TYW1B: variants seen among roughly 807,000 people sequenced by gnomAD.
The protein encoded by TYW1B is tRNA-yW synthesizing protein 1 homolog B.
Under a neutral mutation model 86.9 loss-of-function variants are expected in TYW1B, and 73 were observed. The observed-to-expected ratio is 0.84, with a 90% CI of 0.70 to 1.02. The LOEUF is 1.02. TYW1B is among the 50% of genes least tolerant of loss of function. The pLI is 0.00. For missense variants in TYW1B, 637 were observed against 827.4 expected (o/e 0.77, Z 2.82); for synonymous variants, 248 against 292.8 (o/e 0.85, Z 1.56).
At chr7:72,819,257 G>C (rs1554479994) in intron 2 of TYW1B, among the ~76,000 whole-genome samples, 1 of 152,108 alleles carries the variant, frequency 6.6e-6, no homozygotes, top group African/African-American at 2.4e-5. Flanking sequence ...TTGAATGAAG[G>C]GGTCAGCGCA....
At chr7:72,639,395 G>A (rs1812749568) in intron 11 of TYW1B, among the ~76,000 whole-genome samples, 1 of 151,940 alleles carries the variant, frequency 6.6e-6, no homozygotes, top group African/African-American at 2.4e-5. Context: ...TTGAACCCCT[G>A]GACTCAAGTG....
chr7:72,606,992 T>G lies in TYW1B; in HGVS notation c.1785+9680A>C, dbSNP rs532995308. Among the ~76,000 whole-genome samples, 84 of 152,208 alleles carry G rather than the reference T, an allele frequency of 5.5e-4. No homozygotes were observed. In the South Asian group the frequency reaches 7.1e-3, roughly 13 times the overall value. ...GAAACAGGAAAATCTCAACTTGAAT[T>G]AGAAAAGACAATCAAAAGATGCCAA... is the stretch of plus-strand genomic sequence containing the variant. On this transcript the variant is annotated intron_variant, in intron 13 of 13. Coordinates refer to ENST00000620995, the MANE Select transcript of TYW1B (RefSeq NM_001145440.3).
At chr7:72,632,447 TAAA>T (rs1563038960) in intron 11 of TYW1B, among the ~76,000 whole-genome samples, 8 of 91,708 alleles carry the variant, frequency 8.7e-5, no homozygotes, top group African/African-American at 3.8e-4. Context: ...CGTATATATA[TAAA>T]ATATATATAT....
At chr7:72,812,709 T>C (rs1447806344) in intron 3 of TYW1B, among the ~76,000 whole-genome samples, 35 of 151,728 alleles carry the variant, frequency 2.3e-4, no homozygotes, top group Non-Finnish European at 2.5e-4. Flanking sequence ...GGGTTTTTTT[T>C]TTTTTTTTGA....
At chr7:72,658,281 A>C (rs1813253528) in intron 11 of TYW1B, among the ~76,000 whole-genome samples, 1 of 152,164 alleles carries the variant, frequency 6.6e-6, no homozygotes, top group Non-Finnish European at 1.5e-5. Context: ...AAGTCATTAA[A>C]ATGAATGACA....
intron 12 of TYW1B, 77 bp from the exon 13 acceptor site, chr7:72,616,916 CCTT>C: frequency 6.3e-7 from 1 of 1,577,728 alleles, no homozygotes; most frequent in South Asian, 1.2e-5. Context: ...AGCCGGAAAG[CCTT>C]CTTGAGGTCA....
rs376364347 is a variant in TYW1B at position 72,799,400 on chromosome 7, C to T, written c.846+3000G>A. ...CTGGTCTCGAGCTCCTGACCTCAAG[C>T]GATGCACCCACCTCGGCCTCCCAAA... On this transcript the variant is annotated intron_variant, in intron 6 of 13. Coordinates refer to ENST00000620995, the MANE Select transcript of TYW1B (RefSeq NM_001145440.3). Among the ~76,000 whole-genome samples, 95 of 151,578 alleles carry T rather than the reference C, an allele frequency of 6.3e-4. 3 individuals are homozygous for T. The East Asian group carries it at 0.011, about 17-fold the overall frequency.
intron 13 of TYW1B, among the ~76,000 whole-genome samples, chr7:72,602,101 T>G (rs1811680600): frequency 6.6e-6 from 1 of 152,180 alleles, no homozygotes; most frequent in African/African-American, 2.4e-5. Context: ...ACTGATAAGA[T>G]AATGGAATTC....
chr7:72,712,637 CT>C (rs1554454997), intron 10 of TYW1B, among the ~76,000 whole-genome samples: 3 of 152,136 alleles, frequency 2.0e-5, no homozygotes, highest in Non-Finnish European at 2.9e-5. Flanking sequence ...TTAACAGCAT[CT>C]TTTTTAAGAC....
At chr7:72,646,112 T>C (rs1283720968) in intron 11 of TYW1B, among the ~76,000 whole-genome samples, 2 of 150,542 alleles carry the variant, frequency 1.3e-5, no homozygotes, top group African/African-American at 4.9e-5. Flanking sequence ...AGTGGCACAA[T>C]CATAGCTCAC....
intron 6 of TYW1B, among the ~76,000 whole-genome samples, chr7:72,798,986 G>C (rs1585992218): frequency 6.6e-6 from 1 of 151,990 alleles, no homozygotes; most frequent in Non-Finnish European, 1.5e-5. Context: ...TGGAATTACA[G>C]GCATGCACCA....
chr7:72,649,143 G>A (rs1275710606), intron 11 of TYW1B, among the ~76,000 whole-genome samples: 1 of 152,060 alleles, frequency 6.6e-6, no homozygotes, highest in African/African-American at 2.4e-5. Context: ...TTACAACATG[G>A]GAATTGTATG....
At chr7:72,645,245 G>A (rs1554441905) in intron 11 of TYW1B, among the ~76,000 whole-genome samples, 2 of 152,042 alleles carry the variant, frequency 1.3e-5, no homozygotes, top group Admixed American at 6.5e-5. Context: ...AGAAGATATA[G>A]AGCAGAAAGG....
intron 13 of TYW1B, among the ~76,000 whole-genome samples, chr7:72,615,413 C>A (rs1235095444): frequency 6.6e-6 from 1 of 152,206 alleles, no homozygotes; most frequent in African/African-American, 2.4e-5. Context: ...GTTCAGACCT[C>A]AGATTCCATA....
chr7:72,645,778 G>C (rs1440709491), intron 11 of TYW1B, among the ~76,000 whole-genome samples: 2 of 151,942 alleles, frequency 1.3e-5, no homozygotes, highest in African/African-American at 2.4e-5. Flanking sequence ...GGGAGGGGCT[G>C]ATGACCAGGA....
intron 6 of TYW1B, among the ~76,000 whole-genome samples, chr7:72,778,863 TC>T (rs1439118418): frequency 6.6e-6 from 1 of 152,172 alleles, no homozygotes; most frequent in Admixed American, 6.6e-5. Context: ...ATGCTGGTCT[TC>T]TATTCATTGT....
chr7:72,800,135 A>AT (rs1788379398), intron 6 of TYW1B, among the ~76,000 whole-genome samples: 1 of 152,084 alleles, frequency 6.6e-6, no homozygotes, highest in African/African-American at 2.4e-5. Flanking sequence ...AACATTCAGC[A>AT]TTTAGCTCGC....
intron 10 of TYW1B, among the ~76,000 whole-genome samples, chr7:72,698,281 C>G (rs1563063089): frequency 1.3e-5 from 2 of 152,152 alleles, no homozygotes; most frequent in Non-Finnish European, 1.5e-5. Flanking sequence ...GTAGTTGCTA[C>G]TTATGCCCAT....
intron 11 of TYW1B, among the ~76,000 whole-genome samples, chr7:72,663,154 G>A (rs1352644117): frequency 2.0e-5 from 3 of 150,722 alleles, no homozygotes; most frequent in Non-Finnish European, 4.4e-5. Context: ...TTGGTAATGG[G>A]GTAAAATGCC....
Sources: allele counts gnomAD v4.1 joint callset (sites outside exome capture counted in the v4.1 genomes callset), GRCh38; gene constraint gnomAD v4.1.1; transcripts MANE v1.5; gene names NCBI Gene and HGNC (gene_info 2026-07-23, HGNC 2026-07-21).